The following MGAT4A variants were observed in gnomAD, a reference collection of about 807,000 sequenced individuals.
MGAT4A encodes N-acetylglucosaminyltransferase IVa.
MGAT4A carries 33 observed loss-of-function variants against 74.1 expected under a neutral mutation model. The observed-to-expected ratio is 0.45, with a 90% confidence interval of 0.34 to 0.60. MGAT4A has a LOEUF of 0.60. Among genes scored for constraint, MGAT4A ranks in the 20% least tolerant of loss-of-function variants. The pLI is 0.02. For missense variants in MGAT4A, 479 were observed against 628.3 expected (o/e 0.76, Z 2.54); for synonymous variants, 198 against 210.4 (o/e 0.94, Z 0.51).
chr2:98,729,241 A>G (rs962228120), intron 1 of MGAT4A, among the ~76,000 whole-genome samples: 2 of 152,182 alleles, frequency 1.3e-5, no homozygotes, highest in African/African-American at 4.8e-5. Flanking sequence ...CTAGCAAATA[A>G]GCCCTGAAAT....
intron 2 of MGAT4A, among the ~76,000 whole-genome samples, chr2:98,681,738 T>C (rs1223290690): frequency 6.6e-6 from 1 of 151,948 alleles, no homozygotes; most frequent in Non-Finnish European, 1.5e-5. Flanking sequence ...AGAGGATCAC[T>C]GGAGCCGAGT....
chr2:98,636,704 A>G, intron 12 of MGAT4A, 109 bp from the exon 13 acceptor site: 1 of 865,812 alleles, frequency 1.2e-6, no homozygotes, highest in Non-Finnish European at 1.9e-6. Context: ...ACTCTAAGCA[A>G]GCAAAGTTGA....
intron 5 of MGAT4A, among the ~76,000 whole-genome samples, chr2:98,660,811 C>T (rs1701737572): frequency 6.6e-6 from 1 of 152,078 alleles, no homozygotes; most frequent in South Asian, 2.1e-4. Flanking sequence ...GACTCTAAAA[C>T]TACCAGAAGA....
chr2:98,704,826 T>C (rs1395096860), intron 2 of MGAT4A, among the ~76,000 whole-genome samples: 1 of 152,156 alleles, frequency 6.6e-6, no homozygotes, highest in East Asian at 1.9e-4. Flanking sequence ...TAACTAGGAT[T>C]AGCAAATTTC....
chr2:98,636,147 G>A (rs1005296804), intron 13 of MGAT4A, among the ~76,000 whole-genome samples: 2 of 151,532 alleles, frequency 1.3e-5, no homozygotes, highest in African/African-American at 4.8e-5. Context: ...CGCATGCCAC[G>A]ATTCCTGGCT....
intron 2 of MGAT4A, among the ~76,000 whole-genome samples, chr2:98,719,364 G>A (rs1702634080): frequency 6.6e-6 from 1 of 152,236 alleles, no homozygotes; most frequent in South Asian, 2.1e-4. Context: ...GTCTTAGAAA[G>A]AGTAAAGGGG....
chr2:98,659,106 G>A (rs1027095544), intron 5 of MGAT4A, among the ~76,000 whole-genome samples: 16 of 152,172 alleles, frequency 1.1e-4, no homozygotes, highest in Non-Finnish European at 2.9e-5. Flanking sequence ...AAGAGGTGAC[G>A]TTCAACAGTA....
chr2:98,726,396 T>C lies in MGAT4A; in HGVS notation c.-64A>G, dbSNP rs372076603. The C allele has an allele frequency of 2.8e-6, 4 of 1,423,726 alleles. No individual in the cohort carries two copies. The highest frequency in any genetic ancestry group is 2.0e-6 in the Non-Finnish European group (2 of 1,021,154). The allele number at this position is 1,423,726 out of a possible 1,614,324, so 88.2% of individuals were successfully genotyped here. Reference sequence around the variant, plus strand: ...ACAACAACCAGGACTGTTTTCTTTTTACCCTGAAAGTCAACTGAATGCAGT... The same window carrying C: ...ACAACAACCAGGACTGTTTTCTTTTCACCCTGAAAGTCAACTGAATGCAGT... On this transcript the variant is annotated 5_prime_UTR_variant, in exon 2 of 16. Coordinates refer to ENST00000393487, the MANE Select transcript of MGAT4A (RefSeq NM_012214.3).
chr2:98,670,712 G>A (rs979334802), intron 4 of MGAT4A, among the ~76,000 whole-genome samples: 2 of 151,708 alleles, frequency 1.3e-5, no homozygotes, highest in African/African-American at 4.8e-5. Context: ...CCACTGCCTA[G>A]TTGCCCTTTC....
At chr2:98,637,238 C>T (rs1232318066) in intron 12 of MGAT4A, among the ~76,000 whole-genome samples, 1 of 151,932 alleles carries the variant, frequency 6.6e-6, no homozygotes, top group Non-Finnish European at 1.5e-5. Flanking sequence ...TTGAGTTTAG[C>T]CTGGAAGGTC....
intron 2 of MGAT4A, among the ~76,000 whole-genome samples, chr2:98,725,036 C>T (rs1195452153): frequency 6.6e-6 from 1 of 152,212 alleles, no homozygotes; most frequent in Non-Finnish European, 1.5e-5. Context: ...GGTCTTGCCA[C>T]TGCACTCTAG....
chr2:98,709,656 T>C (rs1702489092), intron 2 of MGAT4A, among the ~76,000 whole-genome samples: 1 of 152,174 alleles, frequency 6.6e-6, no homozygotes, highest in East Asian at 1.9e-4. Context: ...ACCTCCTTTT[T>C]CCACAACTCA....
chr2:98,653,341 AAAAT>A (rs1273754878), intron 8 of MGAT4A, among the ~76,000 whole-genome samples: 5 of 150,852 alleles, frequency 3.3e-5, no homozygotes, highest in African/African-American at 4.8e-5. Context: ...TAAATAGAAA[AAAAT>A]AAATAAATAG....
intron 2 of MGAT4A, among the ~76,000 whole-genome samples, chr2:98,699,964 A>G (rs1702328435): frequency 6.6e-6 from 1 of 152,152 alleles, no homozygotes; most frequent in Non-Finnish European, 1.5e-5. Context: ...TTCTTATAGG[A>G]TACGTGACCC....
intron 2 of MGAT4A, among the ~76,000 whole-genome samples, chr2:98,715,029 A>C (rs944484764): frequency 6.6e-5 from 10 of 152,116 alleles, no homozygotes; most frequent in Admixed American, 1.3e-4. Context: ...AAATACATGA[A>C]GGAGGGCTGG....
At chr2:98,633,731 T>C (rs1344240484) in intron 14 of MGAT4A, among the ~76,000 whole-genome samples, 2 of 152,222 alleles carry the variant, frequency 1.3e-5, no homozygotes, top group Non-Finnish European at 2.9e-5. Context: ...TCAATTACTA[T>C]AGAGATATTT....
rs59955000 is a variant in MGAT4A, at chr2:98,671,943, CAAAAAAAAAAAAAAA to C, written c.403+3077_403+3091del. On this transcript the variant is annotated intron_variant, in intron 4 of 15. Transcript: ENST00000393487. ...AGGCCACAAAGTAATGTGGAAAAGG[CAAAAAAAAAAAAAAA>C]AAAAAAAAAAAAGGATCCTCCCCTA... is the stretch of plus-strand genomic sequence containing the variant. Among the ~76,000 whole-genome samples, 9 of 28,640 alleles carry C rather than the reference CAAAAAAAAAAAAAAA, an allele frequency of 3.1e-4. No homozygotes were observed. In the East Asian group the frequency reaches 0.014, roughly 44 times the overall value. The allele number at this position is 28,640 out of a possible 152,430, so 18.8% of individuals were successfully genotyped here. A position where few individuals can be genotyped will look rare whatever the true frequency, so the allele number is the denominator to read the frequency against.
chr2:98,654,197 G>A (rs1701624882), intron 8 of MGAT4A, among the ~76,000 whole-genome samples: 1 of 152,072 alleles, frequency 6.6e-6, no homozygotes, highest in African/African-American at 2.4e-5. Flanking sequence ...AAGCCCATCG[G>A]TAATATCACA....
intron 8 of MGAT4A, among the ~76,000 whole-genome samples, chr2:98,647,161 G>C (rs1231042309): frequency 2.0e-5 from 3 of 152,168 alleles, no homozygotes; most frequent in Non-Finnish European, 4.4e-5. Flanking sequence ...AAGTGATCTA[G>C]GGAAAAATAA....
Sources: gnomAD v4.1 joint callset for allele counts (sites outside exome capture counted in the v4.1 genomes callset) on GRCh38, gnomAD v4.1.1 for gene constraint, MANE v1.5 for transcripts, NCBI Gene and HGNC (gene_info 2026-07-23, HGNC 2026-07-21) for gene names.